The following NKAIN2 variants were observed in gnomAD, a reference collection of about 807,000 sequenced individuals.
NKAIN2 encodes sodium/potassium transporting ATPase interacting 2, also known as sodium/potassium-transporting ATPase subunit beta-1-interacting protein 2.
A neutral mutation model predicts 32.6 loss-of-function variants in NKAIN2; 14 were observed. That is an observed-to-expected ratio of 0.43 (90% confidence interval 0.28 to 0.67). NKAIN2 has a LOEUF of 0.67. NKAIN2 is among the 30% of genes least tolerant of loss of function. NKAIN2 has a pLI of 0.17. For synonymous variants in NKAIN2, 80 were observed against 87.2 expected (o/e 0.92, Z 0.46); for missense variants, 198 against 258.3 (o/e 0.77, Z 1.60).
At chr6:124,218,585 AACT>A (rs1394679685) in intron 1 of NKAIN2, among the ~76,000 whole-genome samples, 1 of 152,222 alleles carries the variant, frequency 6.6e-6, no homozygotes, top group Non-Finnish European at 1.5e-5. Flanking sequence ...TCAGTCTACC[AACT>A]ACTAATAGCA....
chr6:124,752,146 AC>A (rs1435776928), intron 4 of NKAIN2, among the ~76,000 whole-genome samples: 1 of 151,786 alleles, frequency 6.6e-6, no homozygotes, highest in African/African-American at 2.4e-5. Flanking sequence ...GGAGGTTACA[AC>A]CCCACATCAT....
chr6:124,384,517 T>C (rs1002730270), intron 3 of NKAIN2, among the ~76,000 whole-genome samples: 5 of 152,164 alleles, frequency 3.3e-5, no homozygotes, highest in African/African-American at 1.2e-4. Context: ...ACACAATGGA[T>C]TGTCCCTATT....
chr6:124,668,260 T>A (rs900103985), intron 4 of NKAIN2, among the ~76,000 whole-genome samples: 1 of 152,198 alleles, frequency 6.6e-6, no homozygotes, highest in Non-Finnish European at 1.5e-5. Context: ...ATTGCAAATA[T>A]GGCTCTAGAG....
chr6:124,464,428 CT>C (rs11404689), intron 3 of NKAIN2, among the ~76,000 whole-genome samples: 223 of 146,832 alleles, frequency 1.5e-3, no homozygotes, highest in East Asian at 0.011. Flanking sequence ...GAATTATAAG[CT>C]TTTTTTTTTT....
chr6:124,733,892 T>C (rs994557241), intron 4 of NKAIN2, among the ~76,000 whole-genome samples: 6 of 151,716 alleles, frequency 4.0e-5, no homozygotes, highest in African/African-American at 1.5e-4. Context: ...TGACAGGGCC[T>C]AAAGCAATGA....
intron 1 of NKAIN2, among the ~76,000 whole-genome samples, chr6:123,995,328 C>A (rs1421229770): frequency 2.0e-5 from 3 of 152,098 alleles, no homozygotes; most frequent in Non-Finnish European, 4.4e-5. Flanking sequence ...TAACAGAGGA[C>A]CTGGCCTTTA....
intron 4 of NKAIN2, among the ~76,000 whole-genome samples, chr6:124,709,995 G>A (rs553384828): frequency 1.1e-4 from 16 of 152,128 alleles, no homozygotes; most frequent in African/African-American, 3.6e-4. Flanking sequence ...TCTACACACT[G>A]CTTCAAATGT....
chr6:124,796,888 A>G (rs760472045), intron 5 of NKAIN2, among the ~76,000 whole-genome samples: 2 of 152,144 alleles, frequency 1.3e-5, no homozygotes, highest in Non-Finnish European at 2.9e-5. Flanking sequence ...AGCCATGCAG[A>G]GCTTTCCTTA....
chr6:124,052,065 A>G (rs1370295328), intron 1 of NKAIN2, among the ~76,000 whole-genome samples: 1 of 152,046 alleles, frequency 6.6e-6, no homozygotes, highest in Non-Finnish European at 1.5e-5. Context: ...AGCAATATCA[A>G]CAATACTTTT....
chr6:124,426,778 T>C (rs1048873615), intron 3 of NKAIN2, among the ~76,000 whole-genome samples: 4 of 152,124 alleles, frequency 2.6e-5, no homozygotes, highest in Admixed American at 6.6e-5. Flanking sequence ...TGGGAGATAA[T>C]TGAATCATGG....
At chr6:124,116,837 G>A (rs1785640465) in intron 1 of NKAIN2, among the ~76,000 whole-genome samples, 1 of 152,002 alleles carries the variant, frequency 6.6e-6, no homozygotes, top group East Asian at 1.9e-4. Context: ...TAAAGATCTA[G>A]ATAATATGTA....
chr6:124,726,386 G>C (rs999675243), intron 4 of NKAIN2, among the ~76,000 whole-genome samples: 3 of 151,896 alleles, frequency 2.0e-5, no homozygotes, highest in Non-Finnish European at 4.4e-5. Flanking sequence ...GCCTCCTCAA[G>C]TGGGTCCCTG....
intron 4 of NKAIN2, among the ~76,000 whole-genome samples, chr6:124,727,165 T>A (rs1298501411): frequency 3.3e-5 from 5 of 151,254 alleles, no homozygotes; most frequent in Admixed American, 3.3e-4. Flanking sequence ...TTCCCCAATC[T>A]AGCAAGGCAG....
chr6:124,452,533 G>A (rs1158692826), intron 3 of NKAIN2, among the ~76,000 whole-genome samples: 1 of 152,094 alleles, frequency 6.6e-6, no homozygotes, highest in East Asian at 1.9e-4. Context: ...ATGTAAATAT[G>A]TAACCTTTTT....
chr6:124,441,869 G>C (rs1268845790), intron 3 of NKAIN2, among the ~76,000 whole-genome samples: 1 of 151,994 alleles, frequency 6.6e-6, no homozygotes, highest in Non-Finnish European at 1.5e-5. Context: ...GTTCCTTCAA[G>C]GGATAGTGCT....
At chr6:124,739,273 A>G (rs1406227478) in intron 4 of NKAIN2, among the ~76,000 whole-genome samples, 2 of 151,888 alleles carry the variant, frequency 1.3e-5, no homozygotes, top group Admixed American at 6.6e-5. Context: ...CTCATAGACC[A>G]TTGAAAAATG....
intron 1 of NKAIN2, among the ~76,000 whole-genome samples, chr6:123,872,093 A>G (rs1165516664): frequency 6.6e-6 from 1 of 152,110 alleles, no homozygotes. Flanking sequence ...AAAAATTACA[A>G]TTATGTTTAT....
chr6:124,475,443 G>A (rs897487439), intron 3 of NKAIN2, among the ~76,000 whole-genome samples: 4 of 152,060 alleles, frequency 2.6e-5, no homozygotes, highest in Non-Finnish European at 5.9e-5. Context: ...CCCAAAGATG[G>A]AAAATGTAAA....
At chr6:124,363,139 T>C (rs1799366586) in intron 3 of NKAIN2, among the ~76,000 whole-genome samples, 1 of 152,118 alleles carries the variant, frequency 6.6e-6, no homozygotes, top group African/African-American at 2.4e-5. Context: ...TCAGCCAGAA[T>C]TTTTTATGTG....
Sources: allele counts gnomAD v4.1 joint callset (sites outside exome capture counted in the v4.1 genomes callset), GRCh38; gene constraint gnomAD v4.1.1; transcripts MANE v1.5; gene names NCBI Gene and HGNC (gene_info 2026-07-23, HGNC 2026-07-21).